Variants in ASB1 observed in about 807,000 individuals in gnomAD.
ASB1 encodes ankyrin repeat and SOCS box protein 1.
A neutral mutation model predicts 27.7 loss-of-function variants in ASB1; 18 were observed. The observed-to-expected ratio is 0.65, with a 90% confidence interval of 0.45 to 0.96. The LOEUF is 0.96. Among genes scored for constraint, ASB1 ranks in the 50% least tolerant of loss-of-function variants. The pLI, the probability that ASB1 is intolerant of heterozygous loss-of-function variation, is 0.00. For synonymous variants in ASB1, 189 were observed against 187.6 expected (o/e 1.01, Z -0.06); for missense variants, 397 against 451.7 (o/e 0.88, Z 1.10).
intron 1 of ASB1, 103 bp from the exon 2 acceptor site, chr2:238,433,451 C>T: frequency 1.5e-6 from 2 of 1,367,910 alleles, no homozygotes; most frequent in South Asian, 2.7e-5. Context: ...TTTGAAGGTG[C>T]CCCGTAGCTG....
At chr2:238,427,148 G>C in intron 1 of ASB1, 29 bp downstream of exon 1, 1 of 1,232,182 alleles carries the variant, frequency 8.1e-7, no homozygotes, top group Non-Finnish European at 1.0e-6. Flanking sequence ...CTGGGCCGCG[G>C]GGCGTGTGGG....
At chr2:238,439,759 C>T (rs11902599) in intron 3 of ASB1, among the ~76,000 whole-genome samples, 14,119 of 152,112 alleles carry the variant, frequency 0.093, 754 homozygotes, top group Non-Finnish European at 0.12. Flanking sequence ...TATCAGGCTG[C>T]GTGTGATCGC....
intron 1 of ASB1, 40 bp downstream of exon 1, chr2:238,427,159 G>A: frequency 8.2e-7 from 1 of 1,221,152 alleles, no homozygotes; most frequent in Non-Finnish European, 1.0e-6. Context: ...GGCGTGTGGG[G>A]ATGGCGAAGG....
In ASB1 at chr2:238,446,759, A is replaced by C. The variant is rs184588464; in HGVS notation, c.*248A>C. ...TTCTCTGTTCTGGATTTTCAGTTGC[A>C]TATTAATGTAACGGGCCATGGGGTA... On this transcript the variant is annotated 3_prime_UTR_variant, in exon 5 of 5. Coordinates refer to ENST00000264607, the MANE Select transcript of ASB1 (RefSeq NM_001040445.3). 8.1e-5 allele frequency: 39 copies of C among 479,794 alleles called. No homozygotes were observed. Among genetic ancestry groups the C allele is most frequent in the African/African-American group, 5.7e-4 (29 of 50,520 alleles). The allele number at this position is 479,794 out of a possible 1,614,324, so 29.7% of individuals were successfully genotyped here.
At position 238,444,455 on chromosome 2, in the gene ASB1, A is replaced by G. The variant is rs1702138139; in HGVS notation, c.608A>G (p.His203Arg). The G allele has an allele frequency of 6.2e-7, 1 of 1,614,042 alleles. No individual in the cohort carries two copies. Among genetic ancestry groups the G allele is most frequent in the South Asian group, 1.1e-5 (1 of 91,082 alleles). The change falls in exon 4 of 5, where the codon CAC (histidine) becomes CGC (arginine). Residue 203 changes from histidine (H) to arginine (R), a missense_variant. Coordinates refer to ENST00000264607, the MANE Select transcript of ASB1 (RefSeq NM_001040445.3). ...VCPLYISAAY[H>R]NLQCFRLLLL... ...CCCTTGTACATCAGCGCAGCCTACC[A>G]CAACCTCCAGTGCTTCCGGCTGCTC... is the stretch of plus-strand genomic sequence containing the variant.
At chr2:238,428,065 A>G (rs1238652654) in intron 1 of ASB1, among the ~76,000 whole-genome samples, 1 of 152,200 alleles carries the variant, frequency 6.6e-6, no homozygotes, top group Admixed American at 6.5e-5. Context: ...CCAGCAGAGG[A>G]TACTGCAGTG....
chr2:238,440,537 C>T (rs1195218938), intron 3 of ASB1, among the ~76,000 whole-genome samples: 2 of 152,204 alleles, frequency 1.3e-5, no homozygotes, highest in African/African-American at 2.4e-5. Context: ...CCTTTTGCTG[C>T]CTCTTCCCAT....
chr2:238,442,007 C>G (rs951717261), intron 3 of ASB1, among the ~76,000 whole-genome samples: 4 of 152,094 alleles, frequency 2.6e-5, no homozygotes, highest in Non-Finnish European at 4.4e-5. Flanking sequence ...TTTTCCCAAT[C>G]TGATAGGTGA....
intron 1 of ASB1, among the ~76,000 whole-genome samples, chr2:238,430,231 C>T (rs34011981): frequency 0.065 from 9,867 of 152,224 alleles, 501 homozygotes; most frequent in African/African-American, 0.13. Flanking sequence ...AGTAGCGCTT[C>T]TTTAAAAATT....
Position 238,435,821 on chromosome 2 carries a change from G to A in ASB1, c.302G>A (p.Gly101Glu), listed in dbSNP as rs1701958263. Residue 101 changes from glycine to glutamate, a missense_variant, in exon 3 of 5, where the codon GGG (glycine) becomes GAG (glutamate). Transcript: ENST00000264607. ...GSCVDFLIRK[G>E]AEVDLVDVKG... ...TGTGTGGACTTCCTCATCCGGAAGG[G>A]GGCCGAGGTGGATCTGGTGGACGTA... The A allele has an allele frequency of 6.2e-7, 1 of 1,614,266 alleles. No individual in the cohort carries two copies. Among genetic ancestry groups the A allele is most frequent in the Non-Finnish European group, 8.5e-7 (1 of 1,180,050 alleles).
At chr2:238,437,343 T>C (rs1362500941) in intron 3 of ASB1, among the ~76,000 whole-genome samples, 1 of 152,160 alleles carries the variant, frequency 6.6e-6, no homozygotes, top group African/African-American at 2.4e-5. Context: ...GCAGTTCTCC[T>C]TCCTTAGCCT....
chr2:238,431,080 C>G (rs1018744693), intron 1 of ASB1, among the ~76,000 whole-genome samples: 4 of 152,250 alleles, frequency 2.6e-5, no homozygotes. Context: ...GCCTTCTCCT[C>G]TCTAGCTATG....
intron 3 of ASB1, among the ~76,000 whole-genome samples, chr2:238,441,616 T>C (rs1455083760): frequency 6.6e-6 from 1 of 152,298 alleles, no homozygotes; most frequent in East Asian, 1.9e-4. Flanking sequence ...TCCCTCTTCC[T>C]GTGCTCGGAG....
chr2:238,448,136 C>T lies in ASB1; in HGVS notation c.*1625C>T, dbSNP rs1702214869. The T allele has an allele frequency of 6.6e-6, 1 of 152,312 alleles. No homozygotes were observed. Among genetic ancestry groups the T allele is most frequent in the African/African-American group, 2.4e-5 (1 of 41,422 alleles). The allele number at this position is 152,312 out of a possible 1,614,324, so 9.4% of individuals were successfully genotyped here. ...GCTTGGGATTGGGTCCTGCTGAAGC[C>T]AGGAGGGTCTTCCCAAGATAGGAGA... On this transcript the variant is annotated 3_prime_UTR_variant, in exon 5 of 5. Coordinates refer to ENST00000264607, the MANE Select transcript of ASB1 (RefSeq NM_001040445.3).
chr2:238,443,590 G>GC (rs560414469), intron 3 of ASB1, among the ~76,000 whole-genome samples: 32 of 152,306 alleles, frequency 2.1e-4, no homozygotes, highest in African/African-American at 7.7e-4. Context: ...TCCAGCTTTG[G>GC]CCGGAGTGCT....
In ASB1 at chr2:238,449,826, A is replaced by G. The variant is rs530298373; in HGVS notation, c.*3315A>G. 6.6e-6 allele frequency: 1 copy of G among 152,170 alleles called. No individual in the cohort carries two copies. The highest frequency in any genetic ancestry group is 1.5e-5 in the Non-Finnish European group (1 of 68,030). The allele number at this position is 152,170 out of a possible 1,614,324, so 9.4% of individuals were successfully genotyped here. Reference sequence around the variant, plus strand: ...TAGTAAGTTTTCTTTTTCCTTTTTCAATGAATTGATTCTTCAAATTAAAAG... The same window carrying G: ...TAGTAAGTTTTCTTTTTCCTTTTTCGATGAATTGATTCTTCAAATTAAAAG... On this transcript the variant is annotated 3_prime_UTR_variant, in exon 5 of 5. Transcript: ENST00000264607.
intron 4 of ASB1, 119 bp from the exon 5 acceptor site, chr2:238,446,265 T>C (rs556207874): frequency 1.0e-5 from 12 of 1,192,610 alleles, no homozygotes; most frequent in Non-Finnish European, 1.4e-5. Flanking sequence ...ACTGAGCGTT[T>C]TGAAGTTGGT....
chr2:238,429,862 C>T (rs371634950), intron 1 of ASB1, among the ~76,000 whole-genome samples: 14 of 149,976 alleles, frequency 9.3e-5, no homozygotes, highest in African/African-American at 3.2e-4. Flanking sequence ...GGCGTGAACC[C>T]GGGAGGCGGA....
intron 4 of ASB1, among the ~76,000 whole-genome samples, chr2:238,445,653 C>A (rs767389233): frequency 6.6e-6 from 1 of 152,204 alleles, no homozygotes; most frequent in East Asian, 1.9e-4. Context: ...GTCACCCCCT[C>A]CCACCGCTCC....
Sources: gnomAD v4.1 joint callset for allele counts (sites outside exome capture counted in the v4.1 genomes callset) on GRCh38, gnomAD v4.1.1 for gene constraint, MANE v1.5 for transcripts, NCBI Gene and HGNC (gene_info 2026-07-23, HGNC 2026-07-21) for gene names.